Variants in RILPL1 observed in about 807,000 individuals in gnomAD.
The protein encoded by RILPL1 is Rab interacting lysosomal protein like 1.
In RILPL1, 33 loss-of-function variants were observed where a neutral mutation model predicts 50.3. That is an observed-to-expected ratio of 0.66 (90% confidence interval 0.50 to 0.88). The LOEUF (loss-of-function observed/expected upper bound fraction) is 0.88, where lower values mean the gene tolerates loss of function less well. Among genes scored for constraint, RILPL1 ranks in the 40% least tolerant of loss-of-function variants. The pLI is 0.00. For missense variants in RILPL1, 418 were observed against 542.5 expected, an observed-to-expected ratio of 0.77 and a Z score of 2.28; for synonymous variants, 205 against 228.6, an observed-to-expected ratio of 0.90 and a Z score of 0.93.
At chr12:123,528,432 T>C (rs1343330563) in intron 1 of RILPL1, among the ~76,000 whole-genome samples, 1 of 99,010 alleles carries the variant, frequency 1.0e-5, no homozygotes, top group Non-Finnish European at 2.4e-5. Flanking sequence ...TGTTGTTGTT[T>C]GTTTTTTTTT....
intron 6 of RILPL1, among the ~76,000 whole-genome samples, chr12:123,482,018 A>C (rs1479165939): frequency 6.6e-6 from 1 of 151,416 alleles, no homozygotes; most frequent in Non-Finnish European, 1.5e-5. Flanking sequence ...GACTACAGGC[A>C]TGTGACCACC....
At chr12:123,528,980 C>T (rs1255974637) in intron 1 of RILPL1, among the ~76,000 whole-genome samples, 1 of 152,110 alleles carries the variant, frequency 6.6e-6, no homozygotes, top group Non-Finnish European at 1.5e-5. Context: ...TCTGAGCCTA[C>T]AAGCCCCGGC....
In RILPL1 at chr12:123,500,771, A is replaced by G. The variant is rs980348325; in HGVS notation, c.461-1235T>C. The stretch of plus-strand genomic sequence containing the variant: ...ACTCATAGGGCTGTTGTGAGGATTG[A>G]TTATGTCAACCTAAATGATGAACAG... On this transcript the variant is annotated intron_variant, in intron 2 of 6. Coordinates refer to ENST00000376874, the MANE Select transcript of RILPL1 (RefSeq NM_178314.5). Among the ~76,000 whole-genome samples the G allele has an allele frequency of 2.0e-5, 3 of 152,064 alleles. No homozygotes were observed. In the East Asian group the frequency reaches 5.8e-4, roughly 29 times the overall value.
chr12:123,489,446 C>T lies in RILPL1; in HGVS notation c.802-3641G>A, dbSNP rs899805503. 1.3e-5 allele frequency among the ~76,000 whole-genome samples: 2 copies of T among 151,878 alleles called. No individual in the cohort carries two copies. The highest frequency in any genetic ancestry group is 2.4e-5 in the African/African-American group (1 of 41,364). ...TTGGGAAGCTGAGGTGGGTGGATCA[C>T]GAAGTCAGGAGATCGAGACCAGCCT... On this transcript the variant is annotated intron_variant, in intron 4 of 6. Coordinates refer to ENST00000376874, the MANE Select transcript of RILPL1 (RefSeq NM_178314.5). The surrounding 1 kb of genome is among the most constrained non-coding windows in gnomAD (Gnocchi z 4.0).
intron 1 of RILPL1, among the ~76,000 whole-genome samples, chr12:123,529,683 G>A (rs1885382330): frequency 6.6e-6 from 1 of 151,598 alleles, no homozygotes; most frequent in African/African-American, 2.4e-5. Flanking sequence ...GAGCCCAAAA[G>A]CTCAAGACTA....
intron 3 of RILPL1, among the ~76,000 whole-genome samples, chr12:123,499,216 A>G (rs1883214277): frequency 6.6e-6 from 1 of 152,160 alleles, no homozygotes; most frequent in African/African-American, 2.4e-5. Context: ...CTCACCGGGC[A>G]GTGCCACGTT....
At chr12:123,479,892 C>T (rs1881848385) in intron 6 of RILPL1, among the ~76,000 whole-genome samples, 1 of 152,224 alleles carries the variant, frequency 6.6e-6, no homozygotes, top group African/African-American at 2.4e-5. Context: ...GAAGGACAGA[C>T]ACCACAGCCT....
chr12:123,479,549 C>G (rs1447322009), intron 6 of RILPL1, among the ~76,000 whole-genome samples: 4 of 152,094 alleles, frequency 2.6e-5, no homozygotes, highest in Admixed American at 2.0e-4. Context: ...CCTGCCCAGG[C>G]CCCTCCCAGC....
intron 2 of RILPL1, among the ~76,000 whole-genome samples, chr12:123,511,716 GTGTGAGGTTT>G: frequency 6.9e-6 from 1 of 145,698 alleles, no homozygotes; most frequent in Admixed American, 6.9e-5. Context: ...ATCTGTGTGT[GTGTGAGGTTT>G]GTGTGTGTGG....
intron 2 of RILPL1, chr12:123,513,441 A>C (rs1035299188): frequency 1.5e-5 from 4 of 275,322 alleles, no homozygotes; most frequent in Non-Finnish European, 3.1e-5. Flanking sequence ...GGCTGGGTCT[A>C]TGTGGAAGCC....
intron 1 of RILPL1, among the ~76,000 whole-genome samples, chr12:123,528,163 C>T (rs1184277870): frequency 1.3e-5 from 2 of 151,818 alleles, no homozygotes; most frequent in Non-Finnish European, 2.9e-5. Context: ...GCCCAGGAGT[C>T]TGCAGCCAGC....
At chr12:123,531,059 A>G (rs777589440) in intron 1 of RILPL1, among the ~76,000 whole-genome samples, 1 of 151,972 alleles carries the variant, frequency 6.6e-6, no homozygotes, top group Non-Finnish European at 1.5e-5. Flanking sequence ...AAACCAGGAC[A>G]TGCCAAAAAC....
chr12:123,496,843 C>T (rs1372587813), intron 4 of RILPL1, among the ~76,000 whole-genome samples: 3 of 152,204 alleles, frequency 2.0e-5, no homozygotes, highest in Non-Finnish European at 4.4e-5. Context: ...TCTGGCCACG[C>T]GGACAGTAAC....
chr12:123,473,108 T>A (rs957320325), intron 6 of RILPL1: 36 of 181,862 alleles, frequency 2.0e-4, no homozygotes, highest in African/African-American at 7.8e-4. Flanking sequence ...GTATTTCTAA[T>A]TTAAATAGTT....
In RILPL1 at chr12:123,511,308, C is replaced by G. The variant is rs376735991; in HGVS notation, c.461-11772G>C. ...TGAGTGTATGTCTGTGCGGTGGCAT[C>G]TGTGTGTGTGGTGTGTGAGGTCTGT... On this transcript the variant is annotated intron_variant, in intron 2 of 6. Transcript: ENST00000376874. Among the ~76,000 whole-genome samples, 58 of 80,850 alleles carry G rather than the reference C, an allele frequency of 7.2e-4. 1 individual carries two copies. In the South Asian group the frequency reaches 0.02, roughly 28 times the overall value. 53.0% of individuals were successfully genotyped at this position (80,850 alleles called of 152,430 possible). A position where few individuals can be genotyped will look rare whatever the true frequency, so the allele number is the denominator to read the frequency against.
chr12:123,521,581 A>G (rs200887473), intron 2 of RILPL1, among the ~76,000 whole-genome samples: 17 of 12,414 alleles, frequency 1.4e-3, no homozygotes, highest in Non-Finnish European at 3.7e-3. Context: ...ATACACACAT[A>G]TGTGTATATA....
At position 123,523,399 on chromosome 12, in the gene RILPL1, C is replaced by T. The variant is rs1485603202; in HGVS notation, c.460+96G>A. 2.2e-5 allele frequency: 31 copies of T among 1,430,654 alleles called. No homozygotes were observed. The East Asian group carries it at 4.5e-4, about 21-fold the overall frequency. 88.6% of individuals were successfully genotyped at this position (1,430,654 alleles called of 1,614,324 possible). On this transcript the variant is annotated intron_variant, in intron 2 of 6. Coordinates refer to ENST00000376874, the MANE Select transcript of RILPL1 (RefSeq NM_178314.5). ...AAGGGCTTTGGGAATCAGCCAGCAC[C>T]GCATCAGCGTCCAGGGGTGGTGGCG...
chr12:123,493,461 G>A (rs1882829275), intron 4 of RILPL1, among the ~76,000 whole-genome samples: 2 of 152,068 alleles, frequency 1.3e-5, no homozygotes, highest in African/African-American at 4.8e-5. Context: ...TGGTTCCCTG[G>A]GTCCCCTTAT....
At chr12:123,524,632 T>G (rs889624733) in intron 1 of RILPL1, among the ~76,000 whole-genome samples, 1 of 152,154 alleles carries the variant, frequency 6.6e-6, no homozygotes, top group Admixed American at 6.6e-5. Context: ...TGCTACAACA[T>G]AGGTGGACCC....
Sources: gnomAD v4.1 joint callset for allele counts (sites outside exome capture counted in the v4.1 genomes callset) on GRCh38, gnomAD v4.1.1 for gene constraint, Gnocchi (gnomAD v3.1) non-coding constraint, MANE v1.5 for transcripts, NCBI Gene and HGNC (gene_info 2026-07-23, HGNC 2026-07-21) for gene names.